KDM6A: variants seen among roughly 807,000 people sequenced by gnomAD.
The protein encoded by KDM6A is lysine demethylase 6A.
KDM6A carries 11 observed loss-of-function variants against 117.6 expected under a neutral mutation model. That is an observed-to-expected ratio of 0.09 (90% confidence interval 0.06 to 0.15). The LOEUF (loss-of-function observed/expected upper bound fraction) is 0.15. KDM6A is among the 10% of genes least tolerant of loss of function. KDM6A has a pLI of 1.00. For synonymous variants in KDM6A, 384 were observed against 396.1 expected, an observed-to-expected ratio of 0.97 and a Z score of 0.36; for missense variants, 799 against 1,077.3, an observed-to-expected ratio of 0.74 and a Z score of 3.62.
In KDM6A at chrX:45,060,032, G is replaced by A. The variant is rs1238185412; in HGVS notation, c.1205G>A (p.Cys402Tyr). The change falls in exon 13 of 30, where the codon TGT becomes TAT. Residue 402 changes from cysteine (C) to tyrosine (Y), a missense_variant. Around this residue, in one of 8 missense-constraint regions of KDM6A, gnomAD observed 36 missense variants for 44.4 expected, o/e 0.81. Transcript: ENST00000611820. ...CATAATTTTTCCTAGGCTCAGTTGTGTAACCTTCCACAAGGTAGTCTACAG... is the reference window on the plus strand; with the variant it reads ...CATAATTTTTCCTAGGCTCAGTTGTATAACCTTCCACAAGGTAGTCTACAG... ...ARIKYLQAQLCNLPQGSLQNK... is the reference protein window; with the variant it reads ...ARIKYLQAQLYNLPQGSLQNK... The A allele has an allele frequency of 5.8e-6, 7 of 1,208,276 alleles. No individual in the cohort carries two copies. The highest frequency in any genetic ancestry group is 7.8e-6 in the Non-Finnish European group (7 of 893,497).
Position 44,988,314 on chromosome X carries a change from T to G in KDM6A, c.384+13599T>G, listed in dbSNP as rs1013417362. Among the ~76,000 whole-genome samples, 6 of 109,964 alleles carry G rather than the reference T, an allele frequency of 5.5e-5. No individual in the cohort carries two copies. In the Admixed American group the frequency reaches 5.9e-4, roughly 11 times the overall value. On this transcript the variant is annotated intron_variant, in intron 4 of 29. Coordinates refer to ENST00000611820, the MANE Select transcript of KDM6A (RefSeq NM_001291415.2). ...TATTCTAGTTAGCCATTCATCTGATTTTTTTTTTGAAGGTTTTTAACTTCT... is the reference window on the plus strand; with the variant it reads ...TATTCTAGTTAGCCATTCATCTGATGTTTTTTTTGAAGGTTTTTAACTTCT...
At chrX:45,078,351 A>AT (rs763131304) in intron 19 of KDM6A, 49 bp from the exon 20 acceptor site, 3 of 1,110,417 alleles carry the variant, frequency 2.7e-6, no homozygotes, top group Non-Finnish European at 3.7e-6. Context: ...TAATATTTAA[A>AT]TAAAAGCTCT....
chrX:44,886,646 C>T (rs1281244454), intron 2 of KDM6A, among the ~76,000 whole-genome samples: 1 of 108,356 alleles, frequency 9.2e-6, no homozygotes, highest in Admixed American at 1.0e-4. Flanking sequence ...CCTACCACCA[C>T]GCCCTGCTGA....
At chrX:44,895,457 C>CT (rs1225560971) in intron 2 of KDM6A, among the ~76,000 whole-genome samples, 9,527 of 81,618 alleles carry the variant, frequency 0.12, 620 homozygotes, top group East Asian at 0.31. Context: ...TTATTGATTG[C>CT]TTTTTTTTTT....
intron 2 of KDM6A, among the ~76,000 whole-genome samples, chrX:44,907,885 C>A (rs2034830447): frequency 9.2e-6 from 1 of 108,663 alleles, no homozygotes; most frequent in Non-Finnish European, 1.9e-5. Flanking sequence ...AAGCATAAGC[C>A]TGGCAGCTAG....
chrX:45,058,892 T>C, intron 10 of KDM6A, 114 bp from the exon 11 acceptor site: 3 of 572,611 alleles, frequency 5.2e-6, no homozygotes, highest in East Asian at 7.2e-5. Flanking sequence ...TATTAACTTA[T>C]TAGGGTTTTA....
rs2041282562 is a variant in KDM6A, at chrX:45,003,811, C to G, written c.385-7150C>G. On this transcript the variant is annotated intron_variant, in intron 4 of 29. Coordinates refer to ENST00000611820, the MANE Select transcript of KDM6A (RefSeq NM_001291415.2). ...TGACTCCCTCTTTGTCTCTCTGTCT[C>G]TTCCTCTCTCTCTCTGCCTTTTTTT... 3.8e-5 allele frequency among the ~76,000 whole-genome samples: 4 copies of G among 105,710 alleles called. No individual in the cohort carries two copies. The South Asian group carries it at 1.8e-3, about 47-fold the overall frequency. The allele number at this position is 105,710 out of a possible 115,157, so 91.8% of individuals were successfully genotyped here.
intron 21 of KDM6A, 150 bp downstream of exon 21, chrX:45,079,501 A>ATATGTATGTATG (rs72270582): frequency 1.6e-4 from 66 of 424,664 alleles, no homozygotes; most frequent in East Asian, 5.4e-4. Flanking sequence ...TCGTATGTAT[A>ATATGTATGTATG]TATGTATGTA....
chrX:44,952,556 A>G (rs1001379571), intron 2 of KDM6A, among the ~76,000 whole-genome samples: 7 of 111,390 alleles, frequency 6.3e-5, no homozygotes, highest in African/African-American at 2.3e-4. Context: ...TATAGGCGCG[A>G]GCCACCGCGT....
chrX:45,102,793 G>A (rs1256734496), intron 27 of KDM6A, among the ~76,000 whole-genome samples: 1 of 111,540 alleles, frequency 9.0e-6, no homozygotes, highest in Admixed American at 9.6e-5. Flanking sequence ...TAAGATATGC[G>A]TTTTTTCATT....
At chrX:44,931,649 A>G (rs1360388509) in intron 2 of KDM6A, among the ~76,000 whole-genome samples, 3 of 111,347 alleles carry the variant, frequency 2.7e-5, no homozygotes, top group Non-Finnish European at 5.7e-5. Flanking sequence ...TGAAGCATCT[A>G]AAGTAGTCAA....
intron 2 of KDM6A, among the ~76,000 whole-genome samples, chrX:44,931,424 A>G (rs894061496): frequency 8.9e-6 from 1 of 112,114 alleles, no homozygotes; most frequent in Admixed American, 9.5e-5. Context: ...TCATTGTGAC[A>G]TTATTCAAAA....
chrX:44,874,903 A>G (rs1044222527), intron 2 of KDM6A, among the ~76,000 whole-genome samples: 1 of 111,898 alleles, frequency 8.9e-6, no homozygotes, highest in Non-Finnish European at 1.9e-5. Flanking sequence ...GATTATTTGC[A>G]TATAGAATTC....
intron 2 of KDM6A, among the ~76,000 whole-genome samples, chrX:44,888,976 C>T (rs990561381): frequency 2.7e-5 from 3 of 111,976 alleles, no homozygotes; most frequent in African/African-American, 9.7e-5. Context: ...AGTCGCTTGG[C>T]ATCAGCTGAG....
chrX:44,962,407 AAAGGGGAG>A (rs1017648386), intron 3 of KDM6A, among the ~76,000 whole-genome samples: 3 of 111,814 alleles, frequency 2.7e-5, no homozygotes, highest in African/African-American at 9.8e-5. Context: ...CTGATCTGTA[AAAGGGGAG>A]GAGGTGAGGG....
rs150176956 is a variant in KDM6A, at chrX:45,076,001, C to G, written c.2859-696C>G. On this transcript the variant is annotated intron_variant, in intron 18 of 29. Coordinates refer to ENST00000611820, the MANE Select transcript of KDM6A (RefSeq NM_001291415.2). ...TAGTAGAAACATTGGAAATATCTTGCTTGTACTGAAAGAATTATTGTTAGG... is the reference window on the plus strand; with the variant it reads ...TAGTAGAAACATTGGAAATATCTTGGTTGTACTGAAAGAATTATTGTTAGG... Among the ~76,000 whole-genome samples the G allele has an allele frequency of 8.5e-3, 940 of 111,055 alleles. 7 individuals carry two copies. Among genetic ancestry groups the G allele is most frequent in the Non-Finnish European group, 0.014 (735 of 52,748 alleles).
Position 45,071,267 on chromosome X carries a change from T to C in KDM6A, c.2858+910T>C, listed in dbSNP as rs758662725. 3.6e-5 allele frequency among the ~76,000 whole-genome samples: 4 copies of C among 112,298 alleles called. No homozygotes were observed. The East Asian group carries it at 8.3e-4, about 23-fold the overall frequency. On this transcript the variant is annotated intron_variant, in intron 18 of 29. Transcript: ENST00000611820. ...ATCTTTTTTTGGTTGTAGATTGTCA[T>C]GATATATAGAAAATAACCATTCTAT...
intron 2 of KDM6A, among the ~76,000 whole-genome samples, chrX:44,941,759 G>A (rs1337786805): frequency 1.8e-5 from 2 of 109,988 alleles, no homozygotes; most frequent in Non-Finnish European, 3.8e-5. Context: ...GATTACAGGC[G>A]TGAGCCACCG....
chrX:45,087,203 C>G (rs1277340842), intron 25 of KDM6A, among the ~76,000 whole-genome samples: 1 of 112,284 alleles, frequency 8.9e-6, no homozygotes, highest in Non-Finnish European at 1.9e-5. Flanking sequence ...GTTGGCCAGG[C>G]TGGTCTCGAA....
Sources: allele counts gnomAD v4.1 joint callset (sites outside exome capture counted in the v4.1 genomes callset), GRCh38; gene constraint gnomAD v4.1.1; regional missense constraint gnomAD v4.1.1; transcripts MANE v1.5; gene names NCBI Gene and HGNC (gene_info 2026-07-23, HGNC 2026-07-21).